RNF220: variants seen among roughly 807,000 people sequenced by gnomAD.
RNF220 encodes the protein E3 ubiquitin-protein ligase RNF220.
A neutral mutation model predicts 67.1 loss-of-function variants in RNF220; 7 were observed. That is an observed-to-expected ratio of 0.10 (90% confidence interval 0.06 to 0.20). The LOEUF (loss-of-function observed/expected upper bound fraction) is 0.20, where lower values mean the gene tolerates loss of function less well. RNF220 is among the 10% of genes least tolerant of loss of function. The pLI is 1.00. For missense variants in RNF220, 565 were observed against 740.3 expected (o/e 0.76, Z 2.75); for synonymous variants, 270 against 283.2 (o/e 0.95, Z 0.47).
chr1:44,533,544 T>C (rs1660987043), intron 2 of RNF220, among the ~76,000 whole-genome samples: 1 of 152,208 alleles, frequency 6.6e-6, no homozygotes, highest in African/African-American at 2.4e-5. Context: ...TCCCAAACTA[T>C]GGAATAGATA....
intron 4 of RNF220, among the ~76,000 whole-genome samples, chr1:44,626,084 G>A (rs1161760576): frequency 6.6e-6 from 1 of 152,010 alleles, no homozygotes; most frequent in Non-Finnish European, 1.5e-5. Context: ...TCCCTCAAGG[G>A]GTCTCTACCC....
At chr1:44,588,856 G>C (rs1665902580) in intron 2 of RNF220, among the ~76,000 whole-genome samples, 1 of 152,204 alleles carries the variant, frequency 6.6e-6, no homozygotes, top group African/African-American at 2.4e-5. Flanking sequence ...CCTGCCATCA[G>C]TTTCTAGTGG....
chr1:44,556,645 C>T (rs540067960), intron 2 of RNF220, among the ~76,000 whole-genome samples: 6 of 151,736 alleles, frequency 4.0e-5, no homozygotes, highest in South Asian at 2.1e-4. Flanking sequence ...CTGCAAGCTC[C>T]GCCTCCCGGG....
At chr1:44,520,207 A>G (rs1429129368) in intron 2 of RNF220, among the ~76,000 whole-genome samples, 1 of 151,636 alleles carries the variant, frequency 6.6e-6, no homozygotes, top group East Asian at 1.9e-4. Flanking sequence ...TCACGCCTGT[A>G]ATCCCAGCAC....
chr1:44,543,574 A>G (rs183735200), intron 2 of RNF220, among the ~76,000 whole-genome samples: 1 of 152,024 alleles, frequency 6.6e-6, no homozygotes, highest in African/African-American at 2.4e-5. Context: ...AAGTAGAGAG[A>G]GCAAAAGCAA....
chr1:44,538,741 C>T (rs1661434924), intron 2 of RNF220, among the ~76,000 whole-genome samples: 1 of 151,992 alleles, frequency 6.6e-6, no homozygotes, highest in Non-Finnish European at 1.5e-5. Flanking sequence ...CATGGTGAAA[C>T]CCCATCTGTA....
rs575444917 is a variant in RNF220, at chr1:44,603,268, G to A, written c.626-10897G>A. On this transcript the variant is annotated intron_variant, in intron 2 of 14. Coordinates refer to ENST00000361799, the MANE Select transcript of RNF220 (RefSeq NM_018150.4). ...CCGCCGGTCCGCTGTTTACTGTCTC[G>A]CCTTTGCTGGGAAAAGGTAAACATG... Among the ~76,000 whole-genome samples, 96 of 152,322 alleles carry A rather than the reference G, an allele frequency of 6.3e-4. 1 individual carries two copies. The highest frequency in any genetic ancestry group is 3.4e-3 in the Middle Eastern group (1 of 294).
chr1:44,517,674 C>T (rs1377294529), intron 2 of RNF220, among the ~76,000 whole-genome samples: 1 of 152,230 alleles, frequency 6.6e-6, no homozygotes, highest in Non-Finnish European at 1.5e-5. Flanking sequence ...CTTGCTCTGT[C>T]ATCCAGAGTC....
intron 2 of RNF220, among the ~76,000 whole-genome samples, chr1:44,514,619 T>C (rs1659309413): frequency 6.6e-6 from 1 of 152,218 alleles, no homozygotes; most frequent in African/African-American, 2.4e-5. Flanking sequence ...CCTGTTTTAC[T>C]TGGGATTTAG....
chr1:44,529,332 G>A (rs554271254), intron 2 of RNF220, among the ~76,000 whole-genome samples: 6 of 146,566 alleles, frequency 4.1e-5, no homozygotes, highest in Non-Finnish European at 6.0e-5. Flanking sequence ...CTATGCATGG[G>A]AAAAAAAAAA....
intron 2 of RNF220, among the ~76,000 whole-genome samples, chr1:44,560,613 G>A (rs1572884895): frequency 6.6e-6 from 1 of 152,332 alleles, no homozygotes; most frequent in East Asian, 1.9e-4. Context: ...CCAGGCTGGA[G>A]TGCAATGAGG....
Position 44,645,349 on chromosome 1 carries a change from C to T in RNF220, c.1367-61C>T. Reference sequence around the variant, plus strand: ...TAGATGGTGGTGACTGACTCAAGCCCAACCCCTCACCTGTGCTGCCCAGTC... The same window carrying T: ...TAGATGGTGGTGACTGACTCAAGCCTAACCCCTCACCTGTGCTGCCCAGTC... On this transcript the variant is annotated intron_variant, in intron 11 of 14. Coordinates refer to ENST00000361799, the MANE Select transcript of RNF220 (RefSeq NM_018150.4). The surrounding 1 kb of genome is among the most constrained non-coding windows in gnomAD (Gnocchi z 5.0). 1 of 1,612,896 alleles carries T rather than the reference C, an allele frequency of 6.2e-7. No individual in the cohort carries two copies. Among genetic ancestry groups the T allele is most frequent in the Non-Finnish European group, 8.5e-7 (1 of 1,178,880 alleles).
intron 2 of RNF220, among the ~76,000 whole-genome samples, chr1:44,558,560 C>T (rs1663304766): frequency 6.6e-6 from 1 of 152,154 alleles, no homozygotes; most frequent in Admixed American, 6.5e-5. Context: ...TTATATACAT[C>T]CTTTATATTG....
At chr1:44,503,800 C>A (rs1243675540) in intron 2 of RNF220, among the ~76,000 whole-genome samples, 1 of 152,194 alleles carries the variant, frequency 6.6e-6, no homozygotes, top group Non-Finnish European at 1.5e-5. Flanking sequence ...CAGGCGCCAC[C>A]CTAGGCCTAC....
At chr1:44,637,658 C>T (rs1356288455) in intron 8 of RNF220, among the ~76,000 whole-genome samples, 1 of 152,234 alleles carries the variant, frequency 6.6e-6, no homozygotes, top group African/African-American at 2.4e-5. Context: ...GCTGATTTGA[C>T]AAGAGTATTT....
chr1:44,476,513 T>G lies in RNF220; in HGVS notation c.625+63791T>G, dbSNP rs142391966. On this transcript the variant is annotated intron_variant, in intron 2 of 14. Coordinates refer to ENST00000361799, the MANE Select transcript of RNF220 (RefSeq NM_018150.4). ...GTTGTACCGGGATCCATGCCCTGAC[T>G]GCTGTTTCTACCCTGTCCTTAGGAG... Among the ~76,000 whole-genome samples, 17 of 152,330 alleles carry G rather than the reference T, an allele frequency of 1.1e-4. No homozygotes were observed. The East Asian group carries it at 3.1e-3, about 28-fold the overall frequency.
At chr1:44,576,475 T>C (rs1259737573) in intron 2 of RNF220, among the ~76,000 whole-genome samples, 1 of 152,186 alleles carries the variant, frequency 6.6e-6, no homozygotes, top group African/African-American at 2.4e-5. Context: ...TTCCCTGGCC[T>C]TTGGGCATGT....
intron 2 of RNF220, among the ~76,000 whole-genome samples, chr1:44,578,177 C>T (rs867281045): frequency 2.4e-5 from 3 of 126,472 alleles, no homozygotes; most frequent in African/African-American, 6.1e-5. Flanking sequence ...GAGACAGAGT[C>T]GTGCTCTGTC....
chr1:44,489,744 T>C (rs898960089), intron 2 of RNF220, among the ~76,000 whole-genome samples: 4 of 152,260 alleles, frequency 2.6e-5, no homozygotes. Flanking sequence ...ATCCTTCAAC[T>C]GTGTAATGCC....
Sources: allele counts gnomAD v4.1 joint callset (sites outside exome capture counted in the v4.1 genomes callset), GRCh38; gene constraint gnomAD v4.1.1; non-coding constraint Gnocchi (gnomAD v3.1); transcripts MANE v1.5; gene names NCBI Gene and HGNC (gene_info 2026-07-23, HGNC 2026-07-21).